The following CUL5 variants were observed in gnomAD, a reference collection of about 807,000 sequenced individuals.
CUL5 encodes the protein cullin 5.
A neutral mutation model predicts 108.8 loss-of-function variants in CUL5; 26 were observed. The ratio of observed to expected loss-of-function variants is 0.24; its 90% CI spans 0.18 to 0.33. The LOEUF is 0.33. CUL5 is among the 10% of genes least tolerant of loss of function. CUL5 has a pLI of 1.00. For synonymous variants in CUL5, 334 were observed against 298.0 expected (o/e 1.12, Z -1.25); for missense variants, 524 against 909.2 (o/e 0.58, Z 5.45).
At chr11:108,021,508 AG>A (rs1165056616) in intron 1 of CUL5, among the ~76,000 whole-genome samples, 9 of 152,262 alleles carry the variant, frequency 5.9e-5, no homozygotes, top group Admixed American at 4.6e-4. Flanking sequence ...TTTTAGAGAC[AG>A]GGTCTTACTC....
chr11:108,052,516 C>A, intron 4 of CUL5, 144 bp from the exon 5 acceptor site: 1 of 634,720 alleles, frequency 1.6e-6, no homozygotes, highest in Non-Finnish European at 2.6e-6. Flanking sequence ...CCTGCCTCGG[C>A]CTCCCAAATT....
At chr11:108,068,256 T>C (rs1863738192) in intron 7 of CUL5, among the ~76,000 whole-genome samples, 2 of 152,210 alleles carry the variant, frequency 1.3e-5, no homozygotes, top group African/African-American at 4.8e-5. Context: ...TATACATGGA[T>C]ATATGCATTT....
At chr11:108,088,116 A>G (rs1864266286) in intron 11 of CUL5, among the ~76,000 whole-genome samples, 2 of 152,122 alleles carry the variant, frequency 1.3e-5, no homozygotes. Context: ...GATACATTTT[A>G]AAGAGTGAAA....
intron 1 of CUL5, among the ~76,000 whole-genome samples, chr11:108,024,172 T>C (rs979022806): frequency 6.6e-6 from 1 of 152,232 alleles, no homozygotes; most frequent in Non-Finnish European, 1.5e-5. Flanking sequence ...GCTAAACTGC[T>C]TGGATTTGAT....
intron 11 of CUL5, among the ~76,000 whole-genome samples, chr11:108,085,563 T>G (rs1009944293): frequency 1.3e-5 from 2 of 152,180 alleles, no homozygotes; most frequent in Admixed American, 6.5e-5. Flanking sequence ...CACTTAAAAA[T>G]TATTAAAATG....
intron 18 of CUL5, among the ~76,000 whole-genome samples, chr11:108,103,275 A>C (rs956268368): frequency 6.6e-6 from 1 of 152,204 alleles, no homozygotes; most frequent in African/African-American, 2.4e-5. Context: ...AGAAACTTAA[A>C]AGTGACTGGG....
At chr11:108,038,737 G>A (rs369409611) in intron 2 of CUL5, among the ~76,000 whole-genome samples, 1 of 150,906 alleles carries the variant, frequency 6.6e-6, no homozygotes, top group Non-Finnish European at 1.5e-5. Context: ...TCAGTGTATC[G>A]TCCTTTTAGG....
Position 108,052,853 on chromosome 11 carries a change from A to G in CUL5, c.553+52A>G, listed in dbSNP as rs1183042888. On this transcript the variant is annotated intron_variant, in intron 5 of 18. Coordinates refer to ENST00000393094, the MANE Select transcript of CUL5 (RefSeq NM_003478.6). ...ATTTCTGTTTCATGGAAATTGTAGA[A>G]CAATTATGGAATAGCACAATCAAAG... 10 of 1,514,894 alleles carry G rather than the reference A, an allele frequency of 6.6e-6. No individual in the cohort carries two copies. In the South Asian group the frequency reaches 1.1e-4, roughly 17 times the overall value. The allele number at this position is 1,514,894 out of a possible 1,614,324, so 93.8% of individuals were successfully genotyped here. A position where few individuals can be genotyped will look rare whatever the true frequency, so the allele number is the denominator to read the frequency against.
intron 1 of CUL5, among the ~76,000 whole-genome samples, chr11:108,019,835 T>A (rs1019293759): frequency 6.6e-6 from 1 of 152,080 alleles, no homozygotes; most frequent in Non-Finnish European, 1.5e-5. Context: ...AAGAAAAGGT[T>A]TATTTGGCCC....
At chr11:108,015,547 C>T (rs1862162356) in intron 1 of CUL5, among the ~76,000 whole-genome samples, 1 of 152,282 alleles carries the variant, frequency 6.6e-6, no homozygotes, top group South Asian at 2.1e-4. Flanking sequence ...GGCCTTAGAG[C>T]GGCCTTCCCC....
At position 108,073,362 on chromosome 11, in the gene CUL5, A is replaced by T. The variant is rs1430993570; in HGVS notation, c.1006-28A>T. 4 of 1,078,556 alleles carry T rather than the reference A, an allele frequency of 3.7e-6. No homozygotes were observed. In the Admixed American group the frequency reaches 6.8e-5, roughly 18 times the overall value. 66.8% of individuals were successfully genotyped at this position (1,078,556 alleles called of 1,614,324 possible). A position where few individuals can be genotyped will look rare whatever the true frequency, so the allele number is the denominator to read the frequency against. ...TTTGTGTTATTCTTTTTCTTTTAAA[A>T]ACTTAATGTAAAACCTTTTGTTTCT... is the stretch of plus-strand genomic sequence containing the variant. On this transcript the variant is annotated intron_variant, in intron 9 of 18. Coordinates refer to ENST00000393094, the MANE Select transcript of CUL5 (RefSeq NM_003478.6).
At chr11:108,077,500 C>T (rs763021135) in intron 10 of CUL5, among the ~76,000 whole-genome samples, 7 of 151,886 alleles carry the variant, frequency 4.6e-5, no homozygotes, top group Non-Finnish European at 1.0e-4. Context: ...CACGGTGGTG[C>T]GCACCTGTAA....
At chr11:108,100,689 A>G (rs1310093943) in intron 18 of CUL5, among the ~76,000 whole-genome samples, 1 of 152,154 alleles carries the variant, frequency 6.6e-6, no homozygotes, top group African/African-American at 2.4e-5. Flanking sequence ...TTTGGAGGAA[A>G]AGTAAGAAGA....
intron 13 of CUL5, among the ~76,000 whole-genome samples, chr11:108,093,290 A>G (rs1864402426): frequency 6.6e-6 from 1 of 152,094 alleles, no homozygotes; most frequent in African/African-American, 2.4e-5. Context: ...CTAGCATTTT[A>G]TCTTTTGGGC....
chr11:108,051,720 G>T (rs574535269), intron 4 of CUL5, among the ~76,000 whole-genome samples: 20 of 152,100 alleles, frequency 1.3e-4, no homozygotes, highest in African/African-American at 4.8e-4. Flanking sequence ...TTTTCAGTTG[G>T]TCCTTTTTAC....
intron 13 of CUL5, among the ~76,000 whole-genome samples, chr11:108,090,358 G>A (rs188648551): frequency 1.6e-4 from 24 of 151,526 alleles, no homozygotes; most frequent in Non-Finnish European, 3.1e-4. Context: ...GCGTGGTGGT[G>A]GGGGGCCTGT....
At chr11:108,076,446 C>A (rs1863942713) in intron 10 of CUL5, among the ~76,000 whole-genome samples, 1 of 152,112 alleles carries the variant, frequency 6.6e-6, no homozygotes, top group Non-Finnish European at 1.5e-5. Flanking sequence ...TTGTTTCTTT[C>A]CCACCCATTT....
chr11:108,022,508 G>A (rs1421268033), intron 1 of CUL5, among the ~76,000 whole-genome samples: 1 of 152,004 alleles, frequency 6.6e-6, no homozygotes, highest in Admixed American at 6.6e-5. Flanking sequence ...TTTCAGTGGG[G>A]GATATGCATT....
chr11:108,030,344 T>C (rs1351579942), intron 1 of CUL5, among the ~76,000 whole-genome samples: 1 of 152,186 alleles, frequency 6.6e-6, no homozygotes, highest in Non-Finnish European at 1.5e-5. Flanking sequence ...GTCCTTATGA[T>C]AAGAATACAG....
Sources: allele counts gnomAD v4.1 joint callset (sites outside exome capture counted in the v4.1 genomes callset), GRCh38; gene constraint gnomAD v4.1.1; transcripts MANE v1.5; gene names NCBI Gene and HGNC (gene_info 2026-07-23, HGNC 2026-07-21).